Variants in ZNRF2 observed in about 807,000 individuals in gnomAD.
ZNRF2 encodes E3 ubiquitin-protein ligase ZNRF2.
In ZNRF2, 16 loss-of-function variants were observed where a neutral mutation model predicts 20.4. The ratio of observed to expected loss-of-function variants is 0.79; its 90% CI spans 0.53 to 1.19. ZNRF2 has a LOEUF of 1.19. ZNRF2 is among the 50% of genes most tolerant of loss of function. The pLI, the probability that ZNRF2 is intolerant of heterozygous loss-of-function variation, is 0.00. For missense variants in ZNRF2, 363 were observed against 332.4 expected (o/e 1.09, Z -0.72); for synonymous variants, 178 against 144.9 (o/e 1.23, Z -1.64).
rs559257124 is a variant in ZNRF2, at chr7:30,317,679, A to G, written c.470-5963A>G. 2.6e-5 allele frequency among the ~76,000 whole-genome samples: 4 copies of G among 152,364 alleles called. No individual in the cohort carries two copies. The South Asian group carries it at 6.2e-4, about 24-fold the overall frequency. On this transcript the variant is annotated intron_variant, in intron 1 of 4. Transcript: ENST00000323037. ...GTAATGCAAAAGAGGGCCAACAGCCAGGATGCTGTGACAGAAAGCTCAAAG... is the reference window on the plus strand; with the variant it reads ...GTAATGCAAAAGAGGGCCAACAGCCGGGATGCTGTGACAGAAAGCTCAAAG...
chr7:30,356,977 A>G (rs561172991), intron 3 of ZNRF2, among the ~76,000 whole-genome samples: 1 of 152,212 alleles, frequency 6.6e-6, no homozygotes, highest in South Asian at 2.1e-4. Context: ...AGTGCTGGGA[A>G]TAACATTCTA....
At chr7:30,301,950 G>A (rs147273641) in intron 1 of ZNRF2, among the ~76,000 whole-genome samples, 2,696 of 152,292 alleles carry the variant, frequency 0.018, 52 homozygotes, top group Admixed American at 0.06. Flanking sequence ...TGCCACAGGG[G>A]TGGTGAACCA....
At chr7:30,293,158 C>G (rs180786392) in intron 1 of ZNRF2, among the ~76,000 whole-genome samples, 7 of 151,668 alleles carry the variant, frequency 4.6e-5, no homozygotes, top group African/African-American at 1.7e-4. Context: ...GGATTTATTT[C>G]GTTGTTCCTT....
chr7:30,360,171 T>C (rs991949567), intron 3 of ZNRF2, among the ~76,000 whole-genome samples: 3 of 152,186 alleles, frequency 2.0e-5, no homozygotes, highest in Non-Finnish European at 4.4e-5. Context: ...CAGAAGGCAA[T>C]AAAGAGTTTC....
chr7:30,289,447 T>G (rs1296937504), intron 1 of ZNRF2, among the ~76,000 whole-genome samples: 1 of 152,210 alleles, frequency 6.6e-6, no homozygotes, highest in Non-Finnish European at 1.5e-5. Flanking sequence ...ATTTGGGATA[T>G]TGTAATTAAT....
chr7:30,319,935 T>G (rs1352116613), intron 1 of ZNRF2, among the ~76,000 whole-genome samples: 1 of 152,222 alleles, frequency 6.6e-6, no homozygotes, highest in Non-Finnish European at 1.5e-5. Context: ...ACTGTTTACA[T>G]TTGTAATATT....
chr7:30,320,933 A>AG (rs1175553043), intron 1 of ZNRF2, among the ~76,000 whole-genome samples: 1 of 152,170 alleles, frequency 6.6e-6, no homozygotes, highest in Admixed American at 6.6e-5. Context: ...GATAAGGCTT[A>AG]TTAATAGTCA....
intron 1 of ZNRF2, among the ~76,000 whole-genome samples, chr7:30,311,695 C>G (rs1024174101): frequency 2.0e-5 from 3 of 152,084 alleles, no homozygotes; most frequent in Non-Finnish European, 4.4e-5. Context: ...CCCTTCAGTT[C>G]TGAATTAATT....
chr7:30,285,493 G>T lies in ZNRF2; in HGVS notation c.136G>T (p.Ala46Ser). 1 of 1,072,578 alleles carries T rather than the reference G, an allele frequency of 9.3e-7. No individual in the cohort carries two copies. The highest frequency in any genetic ancestry group is 2.9e-5 in the South Asian group (1 of 34,760). The allele number at this position is 1,072,578 out of a possible 1,614,324, so 66.4% of individuals were successfully genotyped here. Residue 46 changes from alanine to serine, a missense_variant, in exon 1 of 5, where the codon GCG becomes TCG. Physicochemically the swap from Ala to Ser is moderately conservative, Grantham distance 99. Around this residue, in one of 2 missense-constraint regions of ZNRF2, gnomAD observed 302 missense variants for 231.5 expected, o/e 1.30. Transcript: ENST00000323037. ...GGGGGARAAA[A>S]GRFPAQVPSA... ...CGGCGGGGGCGCTCGGGCCGCCGCCGCGGGGAGGTTCCCGGCTCAGGTGCC... is the reference window on the plus strand; with the variant it reads ...CGGCGGGGGCGCTCGGGCCGCCGCCTCGGGGAGGTTCCCGGCTCAGGTGCC...
At chr7:30,325,184 A>C (rs943158799) in intron 2 of ZNRF2, among the ~76,000 whole-genome samples, 9 of 152,222 alleles carry the variant, frequency 5.9e-5, no homozygotes, top group Admixed American at 2.0e-4. Flanking sequence ...AAAATGAAGG[A>C]AAAATGAAAG....
At chr7:30,356,284 T>TA (rs71557457) in intron 3 of ZNRF2, among the ~76,000 whole-genome samples, 99 of 146,750 alleles carry the variant, frequency 6.7e-4, no homozygotes, top group African/African-American at 1.6e-3. Context: ...AATTTGGGGT[T>TA]AAAAAAAAAA....
intron 1 of ZNRF2, among the ~76,000 whole-genome samples, chr7:30,303,453 T>G (rs75736213): frequency 6.6e-6 from 1 of 152,100 alleles, no homozygotes; most frequent in Non-Finnish European, 1.5e-5. Flanking sequence ...AAGTTTCTGA[T>G]TGAGTAGTTT....
At chr7:30,334,647 T>C (rs1799689385) in intron 2 of ZNRF2, among the ~76,000 whole-genome samples, 2 of 152,238 alleles carry the variant, frequency 1.3e-5, no homozygotes, top group African/African-American at 4.8e-5. Context: ...ATCTGATAGT[T>C]ATTTAATTCC....
intron 1 of ZNRF2, among the ~76,000 whole-genome samples, chr7:30,294,888 G>A (rs1427283716): frequency 6.6e-6 from 1 of 151,812 alleles, no homozygotes; most frequent in Admixed American, 6.6e-5. Flanking sequence ...ACTGTATATT[G>A]TTTCAAATTA....
In ZNRF2 at chr7:30,290,603, C is replaced by A. The variant is rs571625301; in HGVS notation, c.469+4777C>A. On this transcript the variant is annotated intron_variant, in intron 1 of 4. Transcript: ENST00000323037. ...ATAATCGTGTACATGTAATCACATA[C>A]AACCCATTGCCTTTGCTGTATTTCA... Among the ~76,000 whole-genome samples the A allele has an allele frequency of 2.0e-5, 3 of 152,316 alleles. No homozygotes were observed. In the South Asian group the frequency reaches 6.2e-4, roughly 32 times the overall value.
At position 30,289,618 on chromosome 7, in the gene ZNRF2, G is replaced by C. The variant is rs142713517; in HGVS notation, c.469+3792G>C. Reference sequence around the variant, plus strand: ...TTTTGGTGGTTATTGTTCCTCACTTGTAATTTCATACCTTCGTGTTACATG... The same window carrying C: ...TTTTGGTGGTTATTGTTCCTCACTTCTAATTTCATACCTTCGTGTTACATG... On this transcript the variant is annotated intron_variant, in intron 1 of 4. Coordinates refer to ENST00000323037, the MANE Select transcript of ZNRF2 (RefSeq NM_147128.4). 1.9e-3 allele frequency among the ~76,000 whole-genome samples: 293 copies of C among 152,286 alleles called. 2 individuals carry two copies. Among genetic ancestry groups the C allele is most frequent in the African/African-American group, 6.1e-3 (252 of 41,556 alleles).
At chr7:30,352,725 C>T (rs1583595533) in intron 2 of ZNRF2, among the ~76,000 whole-genome samples, 4 of 152,120 alleles carry the variant, frequency 2.6e-5, no homozygotes, top group Admixed American at 2.6e-4. Flanking sequence ...TAGTAGTCTA[C>T]CCCAAGATAT....
chr7:30,294,826 C>T (rs1180592483), intron 1 of ZNRF2, among the ~76,000 whole-genome samples: 2 of 151,910 alleles, frequency 1.3e-5, no homozygotes, highest in Non-Finnish European at 2.9e-5. Flanking sequence ...AATCTTAAGC[C>T]TTTCAGTTGT....
At chr7:30,354,511 C>G (rs1274296767) in intron 2 of ZNRF2, among the ~76,000 whole-genome samples, 6 of 152,090 alleles carry the variant, frequency 3.9e-5, no homozygotes, top group Non-Finnish European at 8.8e-5. Flanking sequence ...AGAACCACTT[C>G]TTATAGAATG....
Sources: allele counts gnomAD v4.1 joint callset (sites outside exome capture counted in the v4.1 genomes callset), GRCh38; gene constraint gnomAD v4.1.1; regional missense constraint gnomAD v4.1.1; transcripts MANE v1.5; gene names NCBI Gene and HGNC (gene_info 2026-07-23, HGNC 2026-07-21).